Variants in EP400 observed in about 807,000 individuals in gnomAD.
EP400 encodes the protein E1A-binding protein p400.
A neutral mutation model predicts 354.1 loss-of-function variants in EP400; 105 were observed. The ratio of observed to expected loss-of-function variants is 0.30; its 90% confidence interval spans 0.25 to 0.35. The LOEUF (loss-of-function observed/expected upper bound fraction) is 0.35, where lower values mean the gene tolerates loss of function less well. EP400 is among the 10% of genes least tolerant of loss of function. The pLI is 1.00. For synonymous variants in EP400, 1,646 were observed against 1,716.9 expected, an observed-to-expected ratio of 0.96 and a Z score of 1.02; for missense variants, 3,280 against 4,121.0, an observed-to-expected ratio of 0.80 and a Z score of 5.59.
chr12:131,957,839 G>C (rs1036439899), intron 1 of EP400, among the ~76,000 whole-genome samples: 2 of 151,798 alleles, frequency 1.3e-5, no homozygotes, highest in African/African-American at 4.8e-5. Context: ...CCAGTGATCC[G>C]CCTATCTTGG....
intron 1 of EP400, among the ~76,000 whole-genome samples, chr12:131,955,888 C>A (rs1011854862): frequency 6.6e-6 from 1 of 152,148 alleles, no homozygotes; most frequent in Non-Finnish European, 1.5e-5. Context: ...TCAGGTGATC[C>A]GCCCGCCTCG....
chr12:132,006,922 T>C, intron 15 of EP400, 45 bp downstream of exon 15: 3 of 1,607,180 alleles, frequency 1.9e-6, no homozygotes, highest in Non-Finnish European at 2.6e-6. Flanking sequence ...TTGCTAGGAC[T>C]TACCTATAGG....
At position 132,013,001 on chromosome 12, in the gene EP400, T is replaced by C; in HGVS notation, c.3442-8T>C. On this transcript the variant is annotated splice_region_variant and splice_polypyrimidine_tract_variant and intron_variant, in intron 16 of 52. Coordinates refer to ENST00000389561, the MANE Select transcript of EP400 (RefSeq NM_015409.5). The surrounding 1 kb of genome is among the most constrained non-coding windows in gnomAD (Gnocchi z 4.5). Reference sequence around the variant, plus strand: ...TGAAGGCACTGAGCTGTCCTCTCTGTGCTGCAGGAGTGGGCCGAACCCAAC... The same window carrying C: ...TGAAGGCACTGAGCTGTCCTCTCTGCGCTGCAGGAGTGGGCCGAACCCAAC... The C allele has an allele frequency of 1.2e-6, 2 of 1,604,196 alleles. No homozygotes were observed. Among genetic ancestry groups the C allele is most frequent in the Admixed American group, 3.4e-5 (2 of 59,598 alleles).
intron 1 of EP400, among the ~76,000 whole-genome samples, chr12:131,960,364 G>C (rs1891838032): frequency 6.6e-6 from 1 of 152,192 alleles, no homozygotes; most frequent in Admixed American, 6.5e-5. Context: ...CCCTCAGTAG[G>C]TGGTTTAGAT....
intron 34 of EP400, 26 bp downstream of exon 34, chr12:132,043,754 G>T: frequency 6.4e-7 from 1 of 1,572,920 alleles, no homozygotes; most frequent in East Asian, 2.2e-5. Flanking sequence ...TTTGGTCAGT[G>T]AAAAAAATTT....
rs762229989 is a variant in EP400, at chr12:132,020,166, G to A, written c.4395G>A (p.Pro1465=). The A allele has an allele frequency of 2.4e-5, 38 of 1,610,666 alleles. No homozygotes were observed. Among genetic ancestry groups the A allele is most frequent in the Non-Finnish European group, 2.9e-5 (34 of 1,178,762 alleles). Residue 1465 remains proline, a synonymous_variant, in exon 22 of 53, where the codon CCG becomes CCA. Transcript: ENST00000389561. ...PTTASAAPQG[P]LRGRPPIATF... Reference sequence around the variant, plus strand: ...CGGCCTCTGCTGCTCCACAGGGCCCGCTTCGAGGACGGCCGCCCATCGCCA... The same window carrying A: ...CGGCCTCTGCTGCTCCACAGGGCCCACTTCGAGGACGGCCGCCCATCGCCA...
chr12:131,991,486 GAGA>G (rs1420983118), intron 10 of EP400, 30 bp downstream of exon 10: 7 of 1,611,428 alleles, frequency 4.3e-6, no homozygotes, highest in Non-Finnish European at 5.9e-6. Flanking sequence ...TGTGCTGTGT[GAGA>G]AGGAGTAGAA....
Position 131,981,532 on chromosome 12 carries a change from A to G in EP400, c.1479A>G (p.Val493=), listed in dbSNP as rs1892680607. 2 of 1,598,876 alleles carry G rather than the reference A, an allele frequency of 1.3e-6. No individual in the cohort carries two copies. Among genetic ancestry groups the G allele is most frequent in the Non-Finnish European group, 1.7e-6 (2 of 1,172,896 alleles). Residue 493 remains valine, a synonymous_variant, in exon 4 of 53, where the codon GTA becomes GTG. Coordinates refer to ENST00000389561, the MANE Select transcript of EP400 (RefSeq NM_015409.5). The part of the protein sequence containing the change: ...RPRLEVGHQG[V]VFQHPGADAG... ...GCCTTGAAGTGGGTCACCAAGGGGT[A>G]GTTTTCCAGCACCCAGGGGCGGACG...
chr12:131,998,087 C>T (rs1893277875), intron 12 of EP400, among the ~76,000 whole-genome samples: 2 of 152,168 alleles, frequency 1.3e-5, no homozygotes, highest in Non-Finnish European at 2.9e-5. Flanking sequence ...AGACGTAAAA[C>T]AGGTTTCCTT....
chr12:132,055,751 G>GGT (rs561084873), intron 45 of EP400, among the ~76,000 whole-genome samples: 5 of 149,212 alleles, frequency 3.4e-5, no homozygotes, highest in African/African-American at 1.2e-4. Context: ...AGTGTAGGAG[G>GGT]GTATGTGTGT....
At chr12:132,034,438 G>A (rs1413224815) in intron 30 of EP400, among the ~76,000 whole-genome samples, 7 of 152,246 alleles carry the variant, frequency 4.6e-5, no homozygotes, top group South Asian at 4.1e-4. Flanking sequence ...TTGTGAAAAC[G>A]CTCCTCATGG....
chr12:132,043,403 A>T lies in EP400; in HGVS notation c.6307A>T (p.Asn2103Tyr), dbSNP rs1894979703. 1.2e-6 allele frequency: 2 copies of T among 1,613,732 alleles called. No individual in the cohort carries two copies. Among genetic ancestry groups the T allele is most frequent in the Non-Finnish European group, 1.7e-6 (2 of 1,180,042 alleles). ...TGATGCTCTGTCATCAGACTCTGAG[A>T]ACATGCCGTGTGATGAAGAACCATC... ...HTDALSSDSE[N>Y]MPCDEEPSQL... Residue 2103 changes from asparagine to tyrosine, a missense_variant, in exon 33 of 53, where the codon AAC becomes TAC. Physicochemically the swap from Asn to Tyr is moderately radical, Grantham distance 143. Around this residue, in one of 20 missense-constraint regions of EP400, gnomAD observed 54 missense variants for 41.3 expected, o/e 1.31. Transcript: ENST00000389561.
rs1408479190 is a variant in EP400, at chr12:132,038,954, TTGAC to T, written c.6207+861_6207+864del. ...CTGTACATCTTTCTTCCTGCCCTGT[TTGAC>T]TGCAGCGCATGACTGCATGGGCTTC... is the stretch of plus-strand genomic sequence containing the variant. On this transcript the variant is annotated intron_variant, in intron 32 of 52. Transcript: ENST00000389561. The surrounding 1 kb of genome is among the most constrained non-coding windows in gnomAD (Gnocchi z 4.2). Among the ~76,000 whole-genome samples the T allele has an allele frequency of 6.6e-6, 1 of 152,212 alleles. No individual in the cohort carries two copies.
intron 32 of EP400, among the ~76,000 whole-genome samples, chr12:132,041,996 G>T (rs1344093144): frequency 2.0e-5 from 3 of 146,508 alleles, no homozygotes; most frequent in Non-Finnish European, 4.4e-5. Flanking sequence ...TCATCGTCCA[G>T]GCTGCAGTGC....
chr12:132,051,833 C>G (rs1377307741), intron 41 of EP400, among the ~76,000 whole-genome samples: 1 of 152,062 alleles, frequency 6.6e-6, no homozygotes, highest in Non-Finnish European at 1.5e-5. Context: ...ACTCCCTTTC[C>G]CGGTCCACTA....
Position 132,078,076 on chromosome 12 carries a change from T to A in EP400, c.*403T>A, listed in dbSNP as rs967680284. On this transcript the variant is annotated 3_prime_UTR_variant, in exon 53 of 53. Coordinates refer to ENST00000389561, the MANE Select transcript of EP400 (RefSeq NM_015409.5). ...GAGCATACAATGGACTTTCTAAAGA[T>A]AAGGCGTGGGCTTCCACAGTGTCTG... The A allele has an allele frequency of 1.7e-5, 3 of 181,564 alleles. No homozygotes were observed. The highest frequency in any genetic ancestry group is 3.5e-5 in the Non-Finnish European group (3 of 84,606). 11.2% of individuals were successfully genotyped at this position (181,564 alleles called of 1,614,324 possible). A position where few individuals can be genotyped will look rare whatever the true frequency, so the allele number is the denominator to read the frequency against.
chr12:132,045,521 C>T lies in EP400; in HGVS notation c.6987C>T (p.Asn2329=), dbSNP rs538656918. 1 of 1,614,208 alleles carries T rather than the reference C, an allele frequency of 6.2e-7. No individual in the cohort carries two copies. The highest frequency in any genetic ancestry group is 1.1e-5 in the South Asian group (1 of 91,082). The change falls in exon 38 of 53, where the codon AAC becomes AAT. Residue 2329 remains asparagine, a synonymous_variant. Transcript: ENST00000389561. ...AKPTAEPGQD[N]PEWLISEDWA... ...CCACAGCTGAGCCTGGTCAAGACAA[C>T]CCCGAGTGGCTCATCAGTGAGGACT...
Position 132,006,651 on chromosome 12 carries a change from G to A in EP400, c.3127-49G>A, listed in dbSNP as rs368472039. On this transcript the variant is annotated intron_variant, in intron 14 of 52. Coordinates refer to ENST00000389561, the MANE Select transcript of EP400 (RefSeq NM_015409.5). ...GATTTCAGTTTTGAGAAAAAGTTTGGGTGATTATTTTGACGAGCTGTCATT... is the reference window on the plus strand; with the variant it reads ...GATTTCAGTTTTGAGAAAAAGTTTGAGTGATTATTTTGACGAGCTGTCATT... 129 of 1,523,322 alleles carry A rather than the reference G, an allele frequency of 8.5e-5. No homozygotes were observed. The African/African-American group carries it at 1.6e-3, about 19-fold the overall frequency. The allele number at this position is 1,523,322 out of a possible 1,614,324, so 94.4% of individuals were successfully genotyped here.
At position 132,067,529 on chromosome 12, in the gene EP400, C is replaced by A. The variant is rs769101675; in HGVS notation, c.8874+43C>A. On this transcript the variant is annotated intron_variant, in intron 50 of 52. Coordinates refer to ENST00000389561, the MANE Select transcript of EP400 (RefSeq NM_015409.5). This position sits in a 1 kb window ranked among gnomAD's most constrained non-coding sequence, Gnocchi z 5.3. Reference sequence around the variant, plus strand: ...TTCTCACTTCTGGGTCTATGCCAAGCCAAAGCTGGCTGCTGGAGGAGAGGG... The same window carrying A: ...TTCTCACTTCTGGGTCTATGCCAAGACAAAGCTGGCTGCTGGAGGAGAGGG... 17 of 1,588,788 alleles carry A rather than the reference C, an allele frequency of 1.1e-5. No individual in the cohort carries two copies. The highest frequency in any genetic ancestry group is 1.3e-5 in the Non-Finnish European group (15 of 1,169,656).
Sources: gnomAD v4.1 joint callset for allele counts (sites outside exome capture counted in the v4.1 genomes callset) on GRCh38, gnomAD v4.1.1 for gene constraint, gnomAD v4.1.1 regional missense constraint, Gnocchi (gnomAD v3.1) non-coding constraint, MANE v1.5 for transcripts, NCBI Gene and HGNC (gene_info 2026-07-23, HGNC 2026-07-21) for gene names.